ENTREP2: variants seen among roughly 807,000 people sequenced by gnomAD.
The protein encoded by ENTREP2 is protein ENTREP2.
the ENTREP2 span, chr15:29,374,739 T>C: frequency 1.1e-4 from 16 of 152,216 alleles, no homozygotes; most frequent in East Asian, 5.8e-4. Flanking sequence ...CAAAGCTCTG[T>C]GATTTTTTTC....
At chr15:29,268,814 T>G in the ENTREP2 span, 1 of 1,610,962 alleles carries the variant, frequency 6.2e-7, no homozygotes, top group African/African-American at 1.3e-5. Flanking sequence ...GCTGGGCCAC[T>G]AGGCTGAGGT....
chr15:29,429,473 G>A, the ENTREP2 span, among the ~76,000 whole-genome samples: 1 of 152,098 alleles, frequency 6.6e-6, no homozygotes, highest in South Asian at 2.1e-4. Context: ...CTCCCACCTC[G>A]GCCTCCTAAA....
At chr15:29,608,932 A>G in the ENTREP2 span, among the ~76,000 whole-genome samples, 6 of 151,994 alleles carry the variant, frequency 3.9e-5, no homozygotes, top group African/African-American at 1.5e-4. Context: ...CTTCAGCTCC[A>G]CCTGCTCGTC....
chr15:29,546,904 C>A, the ENTREP2 span, among the ~76,000 whole-genome samples: 1,925 of 38,424 alleles, frequency 0.05, 93 homozygotes, highest in African/African-American at 0.24. Flanking sequence ...AAAACAACAA[C>A]AAAAAAAAAA....
At chr15:29,392,219 C>A in the ENTREP2 span, among the ~76,000 whole-genome samples, 4 of 152,086 alleles carry the variant, frequency 2.6e-5, no homozygotes, top group African/African-American at 9.7e-5. Context: ...GCCTCGGCCT[C>A]CCAAAGTGCA....
the ENTREP2 span, among the ~76,000 whole-genome samples, chr15:29,665,032 G>C: frequency 3.3e-5 from 5 of 152,146 alleles, no homozygotes; most frequent in Non-Finnish European, 7.4e-5. Flanking sequence ...CATCGGTTGG[G>C]AACTTGCTCC....
chr15:29,596,358 T>G, the ENTREP2 span, among the ~76,000 whole-genome samples: 12 of 152,216 alleles, frequency 7.9e-5, no homozygotes, highest in Admixed American at 6.5e-4. Context: ...ATCTGGAATC[T>G]CCCATGCCTG....
chr15:29,534,851 A>G, the ENTREP2 span, among the ~76,000 whole-genome samples: 14 of 152,262 alleles, frequency 9.2e-5, no homozygotes, highest in East Asian at 2.5e-3. Flanking sequence ...AAAGGCACCA[A>G]TAAGTATCTG....
chr15:29,548,074 G>T, the ENTREP2 span, among the ~76,000 whole-genome samples: 1 of 152,098 alleles, frequency 6.6e-6, no homozygotes, highest in African/African-American at 2.4e-5. Context: ...GGGCTGGGTT[G>T]GGGGTAAAAG....
At chr15:29,223,890 T>TC in the ENTREP2 span, among the ~76,000 whole-genome samples, 1 of 152,088 alleles carries the variant, frequency 6.6e-6, no homozygotes, top group African/African-American at 2.4e-5. Context: ...CTGACAGACG[T>TC]CCCAGTGCAC....
the ENTREP2 span, among the ~76,000 whole-genome samples, chr15:29,276,813 A>G: frequency 6.6e-6 from 1 of 152,236 alleles, no homozygotes; most frequent in East Asian, 1.9e-4. Context: ...CTAAATCAGT[A>G]GCCAATCCTA....
the ENTREP2 span, among the ~76,000 whole-genome samples, chr15:29,338,931 T>C: frequency 6.6e-6 from 1 of 152,210 alleles, no homozygotes; most frequent in Non-Finnish European, 1.5e-5. Flanking sequence ...CAGCTGAATG[T>C]AGCAGGGCCC....
the ENTREP2 span, among the ~76,000 whole-genome samples, chr15:29,511,337 T>C: frequency 8.7e-6 from 1 of 114,374 alleles, no homozygotes; most frequent in Non-Finnish European, 1.8e-5. Context: ...TTCTTCTTTT[T>C]TCTTTTCTTT....
At chr15:29,357,458 T>C in the ENTREP2 span, among the ~76,000 whole-genome samples, 2 of 151,770 alleles carry the variant, frequency 1.3e-5, no homozygotes, top group Non-Finnish European at 2.9e-5. Flanking sequence ...AAATAACTTT[T>C]ATAAATTAGT....
the ENTREP2 span, among the ~76,000 whole-genome samples, chr15:29,299,300 G>T: frequency 6.6e-6 from 1 of 152,190 alleles, no homozygotes; most frequent in Non-Finnish European, 1.5e-5. Flanking sequence ...TGTGGGTCAG[G>T]AATTCTCCAG....
the ENTREP2 span, among the ~76,000 whole-genome samples, chr15:29,501,548 T>C: frequency 2.0e-5 from 3 of 151,974 alleles, no homozygotes; most frequent in African/African-American, 7.2e-5. Flanking sequence ...GAAAAACCAA[T>C]AGCTAACATC....
At chr15:29,183,703 G>A in the ENTREP2 span, among the ~76,000 whole-genome samples, 1 of 152,238 alleles carries the variant, frequency 6.6e-6, no homozygotes, top group East Asian at 1.9e-4. Context: ...CGTCAACTTT[G>A]ATGTAAAGTT....
At chr15:29,540,027 A>C in the ENTREP2 span, among the ~76,000 whole-genome samples, 1 of 152,096 alleles carries the variant, frequency 6.6e-6, no homozygotes, top group Non-Finnish European at 1.5e-5. Context: ...GCTCCCGTGC[A>C]CCCAGGATGT....
At chr15:29,144,964 G>A in the ENTREP2 span, among the ~76,000 whole-genome samples, 1 of 152,288 alleles carries the variant, frequency 6.6e-6, no homozygotes, top group East Asian at 1.9e-4. Flanking sequence ...GCTGAGGCAG[G>A]AGAATCACTT....
Sources: gnomAD v4.1 joint callset for allele counts (sites outside exome capture counted in the v4.1 genomes callset) on GRCh38, gnomAD v4.1.1 for gene constraint, MANE v1.5 for transcripts, NCBI Gene and HGNC (gene_info 2026-07-23, HGNC 2026-07-21) for gene names.